The following ANKRD55 variants were observed in gnomAD, a reference collection of about 807,000 sequenced individuals.
ANKRD55 encodes the protein ankyrin repeat domain 55.
Under a neutral mutation model 60.6 loss-of-function variants are expected in ANKRD55, and 41 were observed. The observed-to-expected ratio is 0.68, with a 90% CI of 0.53 to 0.88. ANKRD55 has a LOEUF of 0.88. ANKRD55 is among the 40% of genes least tolerant of loss of function. ANKRD55 has a pLI of 0.00. For synonymous variants in ANKRD55, 264 were observed against 290.3 expected, an observed-to-expected ratio of 0.91 and a Z score of 0.92; for missense variants, 732 against 767.6, an observed-to-expected ratio of 0.95 and a Z score of 0.55.
At chr5:56,166,165 C>CTTTTTTT (rs1561277927) in intron 5 of ANKRD55, among the ~76,000 whole-genome samples, 1 of 38,878 alleles carries the variant, frequency 2.6e-5, no homozygotes. Flanking sequence ...TTCTTTCCTT[C>CTTTTTTT]CTTCCTTCCT....
chr5:56,232,731 C>A, intron 2 of ANKRD55, 125 bp downstream of exon 2: 1 of 873,244 alleles, frequency 1.1e-6, no homozygotes, highest in Non-Finnish European at 1.8e-6. Context: ...TACTCATGCA[C>A]ACCCACGCAC....
chr5:56,216,609 G>A (rs557486852), intron 2 of ANKRD55, among the ~76,000 whole-genome samples: 1 of 152,366 alleles, frequency 6.6e-6, no homozygotes, highest in East Asian at 1.9e-4. Context: ...TGAATGGTAA[G>A]AAAGAGAAAC....
chr5:56,109,609 A>C (rs993867498), intron 10 of ANKRD55, among the ~76,000 whole-genome samples: 1 of 151,800 alleles, frequency 6.6e-6, no homozygotes, highest in African/African-American at 2.4e-5. Flanking sequence ...AAGTTCTGAG[A>C]TTACAAGTGT....
At chr5:56,220,030 C>T (rs962012660) in intron 2 of ANKRD55, among the ~76,000 whole-genome samples, 4 of 152,196 alleles carry the variant, frequency 2.6e-5, no homozygotes, top group Non-Finnish European at 2.9e-5. Flanking sequence ...CTGCCTGCTG[C>T]ACCGGAGGCT....
chr5:56,176,754 A>G (rs1392477372), intron 3 of ANKRD55, among the ~76,000 whole-genome samples: 9 of 152,200 alleles, frequency 5.9e-5, no homozygotes, highest in African/African-American at 2.2e-4. Flanking sequence ...GGCCACCTGT[A>G]CTGAAATGCT....
chr5:56,115,114 C>G (rs528134187), intron 9 of ANKRD55, among the ~76,000 whole-genome samples: 9 of 151,804 alleles, frequency 5.9e-5, no homozygotes, highest in African/African-American at 1.9e-4. Flanking sequence ...GTGAGGGGAT[C>G]GTTTGAGCCC....
chr5:56,145,062 A>C (rs1757863800), intron 6 of ANKRD55, among the ~76,000 whole-genome samples: 1 of 152,244 alleles, frequency 6.6e-6, no homozygotes, highest in South Asian at 2.1e-4. Context: ...TGCATGGAGA[A>C]GATGGGCCTC....
intron 3 of ANKRD55, among the ~76,000 whole-genome samples, chr5:56,181,639 G>A (rs1229229585): frequency 6.6e-6 from 1 of 152,194 alleles, no homozygotes; most frequent in African/African-American, 2.4e-5. Flanking sequence ...CACCCAGGCT[G>A]AAGTGCAGTA....
At position 56,176,133 on chromosome 5, in the gene ANKRD55, G is replaced by T. The variant is rs765948907; in HGVS notation, c.312+19C>A. 5 of 1,613,952 alleles carry T rather than the reference G, an allele frequency of 3.1e-6. No homozygotes were observed. Among genetic ancestry groups the T allele is most frequent in the South Asian group, 1.1e-5 (1 of 91,056 alleles). On this transcript the variant is annotated intron_variant, in intron 4 of 11. Transcript: ENST00000341048. ...GCCTACCCTGCTCCTTCCACCCTGTGACAGGCACAAGTCAGTACCAGGTAG... is the reference window on the plus strand; with the variant it reads ...GCCTACCCTGCTCCTTCCACCCTGTTACAGGCACAAGTCAGTACCAGGTAG...
At chr5:56,193,178 G>A (rs1463900433) in intron 2 of ANKRD55, 2 of 722,306 alleles carry the variant, frequency 2.8e-6, no homozygotes, top group Non-Finnish European at 4.6e-6. Context: ...GAGTGGAGGA[G>A]CAGGATATTT....
chr5:56,206,271 C>T (rs1208110046), intron 2 of ANKRD55, among the ~76,000 whole-genome samples: 1 of 152,192 alleles, frequency 6.6e-6, no homozygotes, highest in Non-Finnish European at 1.5e-5. Flanking sequence ...GCCACCGCTT[C>T]TGGCCTCAAT....
At chr5:56,191,349 C>G (rs1469548309) in intron 2 of ANKRD55, among the ~76,000 whole-genome samples, 1 of 152,184 alleles carries the variant, frequency 6.6e-6, no homozygotes, top group African/African-American at 2.4e-5. Context: ...CATAAAATGT[C>G]TTTCCATTTA....
intron 5 of ANKRD55, among the ~76,000 whole-genome samples, chr5:56,167,497 C>T (rs1289078453): frequency 6.6e-6 from 1 of 152,140 alleles, no homozygotes. Context: ...TAGGACTTAA[C>T]CCAATTAATC....
At chr5:56,215,586 G>T (rs1022043753) in intron 2 of ANKRD55, among the ~76,000 whole-genome samples, 1 of 152,208 alleles carries the variant, frequency 6.6e-6, no homozygotes, top group Non-Finnish European at 1.5e-5. Context: ...TGTCAGAAAG[G>T]GGTTGATTGG....
intron 6 of ANKRD55, among the ~76,000 whole-genome samples, chr5:56,154,292 C>T (rs1034320845): frequency 1.3e-5 from 2 of 151,856 alleles, no homozygotes; most frequent in Admixed American, 6.6e-5. Context: ...CCCGCTACCC[C>T]TCATACAATG....
At chr5:56,176,422 G>C in intron 3 of ANKRD55, 140 bp from the exon 4 acceptor site, 1 of 862,762 alleles carries the variant, frequency 1.2e-6, no homozygotes, top group Non-Finnish European at 1.8e-6. Context: ...AGATGAAGCT[G>C]ATTGTTGCTA....
At chr5:56,132,962 C>T (rs1757463343) in intron 7 of ANKRD55, among the ~76,000 whole-genome samples, 1 of 152,092 alleles carries the variant, frequency 6.6e-6, no homozygotes. Flanking sequence ...GTCAGTTCTC[C>T]AAGAAGACAT....
rs142132445 is a variant in ANKRD55 at position 56,104,214 on chromosome 5, T to TA, written c.1631-1629dup. The stretch of plus-strand genomic sequence containing the variant: ...GGGATAAATGCTGTAGGCATAATCT[T>TA]ATTTAACTCTGACAATCACTTTTTC... On this transcript the variant is annotated intron_variant, in intron 10 of 11. Transcript: ENST00000341048. Among the ~76,000 whole-genome samples the TA allele has an allele frequency of 4.0e-3, 614 of 152,338 alleles. 6 individuals carry two copies. Among genetic ancestry groups the TA allele is most frequent in the African/African-American group, 0.014 (592 of 41,568 alleles).
intron 2 of ANKRD55, among the ~76,000 whole-genome samples, chr5:56,216,529 CAGTT>C (rs1759816048): frequency 6.6e-6 from 1 of 152,174 alleles, no homozygotes; most frequent in African/African-American, 2.4e-5. Context: ...CCTCTTGTGT[CAGTT>C]AGTCAAGTTG....
Sources: allele counts gnomAD v4.1 joint callset (sites outside exome capture counted in the v4.1 genomes callset), GRCh38; gene constraint gnomAD v4.1.1; transcripts MANE v1.5; gene names NCBI Gene and HGNC (gene_info 2026-07-23, HGNC 2026-07-21).